Variants in USP32 observed in about 807,000 individuals in gnomAD.
The protein encoded by USP32 is ubiquitin carboxyl-terminal hydrolase 32.
A neutral mutation model predicts 204.8 loss-of-function variants in USP32; 59 were observed. The observed-to-expected ratio is 0.29, with a 90% CI of 0.23 to 0.36. The LOEUF (loss-of-function observed/expected upper bound fraction) is 0.36. Ranked by LOEUF, USP32 falls within the 10% of genes least tolerant of loss-of-function variation. USP32 has a pLI of 1.00. For synonymous variants in USP32, 517 were observed against 678.4 expected (o/e 0.76, Z 3.70); for missense variants, 1,160 against 1,946.4 (o/e 0.60, Z 7.60).
intron 26 of USP32, among the ~76,000 whole-genome samples, chr17:60,200,278 C>A (rs1313852072): frequency 6.6e-6 from 1 of 151,830 alleles, no homozygotes; most frequent in African/African-American, 2.4e-5. Context: ...GGGTACATTT[C>A]TGGCTGGATG....
chr17:60,409,928 C>A (rs1476290346), intron 1 of USP32, among the ~76,000 whole-genome samples: 1 of 152,124 alleles, frequency 6.6e-6, no homozygotes, highest in Non-Finnish European at 1.5e-5. Context: ...GGTATGCAGC[C>A]CATGGGTCAA....
intron 1 of USP32, among the ~76,000 whole-genome samples, chr17:60,399,502 A>T (rs181465101): frequency 1.4e-3 from 212 of 148,422 alleles, no homozygotes; most frequent in South Asian, 0.011. Flanking sequence ...AAAAAAATTT[A>T]AAAAAAAAAA....
At position 60,345,726 on chromosome 17, in the gene USP32, A is replaced by T. The variant is rs974209782; in HGVS notation, c.59-118T>A. 3.0e-6 allele frequency: 4 copies of T among 1,330,246 alleles called. No homozygotes were observed. The African/African-American group carries it at 5.9e-5, about 20-fold the overall frequency. The allele number at this position is 1,330,246 out of a possible 1,614,324, so 82.4% of individuals were successfully genotyped here. ...GCTAGGCACAGTGGCTCACGCCTAT[A>T]ATCCCAGTACTTTGGAAGGCCAAGG... is the stretch of plus-strand genomic sequence containing the variant. On this transcript the variant is annotated intron_variant, in intron 1 of 33. Coordinates refer to ENST00000300896, the MANE Select transcript of USP32 (RefSeq NM_032582.4).
chr17:60,397,403 C>G (rs1442098651), intron 1 of USP32, among the ~76,000 whole-genome samples: 1 of 152,168 alleles, frequency 6.6e-6, no homozygotes, highest in Non-Finnish European at 1.5e-5. Context: ...CTCTCTATCA[C>G]TCAGGCTGGA....
intron 9 of USP32, among the ~76,000 whole-genome samples, chr17:60,264,006 A>G (rs904090478): frequency 1.1e-4 from 17 of 152,182 alleles, no homozygotes; most frequent in African/African-American, 3.9e-4. Flanking sequence ...TGTGTCTCAT[A>G]CAGGTAATTT....
At chr17:60,420,852 C>T (rs1043746834) in intron 1 of USP32, among the ~76,000 whole-genome samples, 5 of 152,126 alleles carry the variant, frequency 3.3e-5, no homozygotes, top group Non-Finnish European at 5.9e-5. Context: ...AAAATGGAAT[C>T]ATACCTTTTA....
At chr17:60,187,728 A>G (rs1296478938) in intron 29 of USP32, among the ~76,000 whole-genome samples, 2 of 152,228 alleles carry the variant, frequency 1.3e-5, no homozygotes, top group African/African-American at 4.8e-5. Flanking sequence ...CTGTACTGAC[A>G]ATAATTTCTA....
chr17:60,367,289 G>A (rs1459625053), intron 1 of USP32, among the ~76,000 whole-genome samples: 1 of 152,144 alleles, frequency 6.6e-6, no homozygotes, highest in Non-Finnish European at 1.5e-5. Flanking sequence ...CAGGAGGGTT[G>A]CTTGAACTCA....
At chr17:60,221,964 C>A (rs1025852876) in intron 15 of USP32, among the ~76,000 whole-genome samples, 2 of 152,142 alleles carry the variant, frequency 1.3e-5, no homozygotes, top group East Asian at 3.8e-4. Flanking sequence ...ATGTTGTGAT[C>A]TTTTATATGC....
intron 26 of USP32, among the ~76,000 whole-genome samples, chr17:60,203,718 C>T (rs1046800460): frequency 7.2e-5 from 11 of 152,104 alleles, no homozygotes; most frequent in East Asian, 1.9e-4. Context: ...CTAGGACTAC[C>T]GGCGTGTGCC....
At chr17:60,277,811 T>C (rs992512798) in intron 5 of USP32, among the ~76,000 whole-genome samples, 1 of 152,204 alleles carries the variant, frequency 6.6e-6, no homozygotes, top group Non-Finnish European at 1.5e-5. Context: ...ACTTTCTTTA[T>C]TTATTGGAAA....
chr17:60,178,077 T>TA lies in USP32; in HGVS notation c.*1177dup, dbSNP rs533028007. On this transcript the variant is annotated 3_prime_UTR_variant, in exon 34 of 34. Transcript: ENST00000300896. ...AACTTTCGATGACTACTGTAAAATT[T>TA]AAAAAAAAGACAAATATCAAAATAA... Among the ~76,000 whole-genome samples, 1,212 of 151,896 alleles carry TA rather than the reference T, an allele frequency of 8.0e-3. 16 individuals carry two copies. The highest frequency in any genetic ancestry group is 0.026 in the African/African-American group (1,077 of 41,436).
chr17:60,209,332 T>C (rs749690478), intron 22 of USP32, 38 bp downstream of exon 22: 61 of 1,194,434 alleles, frequency 5.1e-5, no homozygotes, highest in Non-Finnish European at 6.7e-5. Context: ...CAGAACATTT[T>C]GTCTATTGCT....
intron 12 of USP32, among the ~76,000 whole-genome samples, chr17:60,228,496 TTTTTC>T (rs2085455032): frequency 7.2e-6 from 1 of 139,254 alleles, no homozygotes; most frequent in African/African-American, 3.1e-5. Flanking sequence ...TTCTTTTTTC[TTTTTC>T]TTTTTTTTTT....
intron 2 of USP32, among the ~76,000 whole-genome samples, chr17:60,335,174 A>T (rs1463828116): frequency 7.1e-6 from 1 of 141,568 alleles, no homozygotes; most frequent in East Asian, 1.9e-4. Flanking sequence ...AGGTCTCACT[A>T]TGTTGTCAGG....
Position 60,351,205 on chromosome 17 carries a change from C to T in USP32, c.59-5597G>A, listed in dbSNP as rs927045793. Reference sequence around the variant, plus strand: ...ATGAGGAGTAGTTAGACTCTCTGGACCCTTGCAGCACAAGGCAATCAGGCA... The same window carrying T: ...ATGAGGAGTAGTTAGACTCTCTGGATCCTTGCAGCACAAGGCAATCAGGCA... On this transcript the variant is annotated intron_variant, in intron 1 of 33. Transcript: ENST00000300896. 1.9e-4 allele frequency among the ~76,000 whole-genome samples: 29 copies of T among 152,008 alleles called. 1 individual carries two copies. Among genetic ancestry groups the T allele is most frequent in the Non-Finnish European group, 1.5e-5 (1 of 68,004 alleles).
At chr17:60,186,634 C>G (rs1262216757) in intron 29 of USP32, among the ~76,000 whole-genome samples, 1 of 152,194 alleles carries the variant, frequency 6.6e-6, no homozygotes, top group African/African-American at 2.4e-5. Context: ...CCCTAATACT[C>G]ACCCAAACCT....
intron 30 of USP32, among the ~76,000 whole-genome samples, chr17:60,184,809 CAAAAAAAA>C (rs35566339): frequency 7.6e-5 from 6 of 78,506 alleles, no homozygotes; most frequent in Non-Finnish European, 1.9e-4. Context: ...GACCCTGTCT[CAAAAAAAA>C]AAAAAAAAAA....
rs1258288086 is a variant in USP32, at chr17:60,181,309, T to A, written c.4548+15A>T. On this transcript the variant is annotated intron_variant, in intron 32 of 33. Coordinates refer to ENST00000300896, the MANE Select transcript of USP32 (RefSeq NM_032582.4). ...CACAGACCACTCTCTGAAAACCATA[T>A]AATAAACCACTTACCGAAATTGCAT... The A allele has an allele frequency of 4.4e-6, 7 of 1,600,568 alleles. 2 individuals carry two copies. The South Asian group carries it at 7.8e-5, about 18-fold the overall frequency.
Sources: gnomAD v4.1 joint callset for allele counts (sites outside exome capture counted in the v4.1 genomes callset) on GRCh38, gnomAD v4.1.1 for gene constraint, MANE v1.5 for transcripts, NCBI Gene and HGNC (gene_info 2026-07-23, HGNC 2026-07-21) for gene names.